The following YEATS2 variants were observed in gnomAD, a reference collection of about 807,000 sequenced individuals.
YEATS2 encodes YEATS domain containing 2.
In YEATS2, 77 loss-of-function variants were observed where a neutral mutation model predicts 163.2. That is an observed-to-expected ratio of 0.47 (90% confidence interval 0.39 to 0.57). YEATS2 has a LOEUF of 0.57. Ranked by LOEUF, YEATS2 falls within the 20% of genes least tolerant of loss-of-function variation. The pLI is 0.00. For missense variants in YEATS2, 1,549 were observed against 1,729.8 expected (o/e 0.90, Z 1.85); for synonymous variants, 631 against 645.1 (o/e 0.98, Z 0.33).
intron 19 of YEATS2, among the ~76,000 whole-genome samples, chr3:183,782,670 T>C (rs1029581927): frequency 1.8e-4 from 27 of 152,140 alleles, no homozygotes; most frequent in African/African-American, 6.0e-4. Context: ...GTGATCTGCC[T>C]GCCTCGGCTT....
At chr3:183,747,333 A>G (rs1410162724) in intron 8 of YEATS2, among the ~76,000 whole-genome samples, 1 of 152,152 alleles carries the variant, frequency 6.6e-6, no homozygotes, top group Non-Finnish European at 1.5e-5. Flanking sequence ...TTACTTACAC[A>G]TTCCTTTATT....
At chr3:183,758,634 A>G (rs1272127699) in intron 12 of YEATS2, among the ~76,000 whole-genome samples, 1 of 152,178 alleles carries the variant, frequency 6.6e-6, no homozygotes, top group African/African-American at 2.4e-5. Context: ...ATTCTTCTGC[A>G]TGTCCTTACC....
At chr3:183,787,900 G>A (rs1466506200) in intron 20 of YEATS2, among the ~76,000 whole-genome samples, 1 of 152,042 alleles carries the variant, frequency 6.6e-6, no homozygotes, top group African/African-American at 2.4e-5. Flanking sequence ...CTACTCAGGA[G>A]GCTGAGGCAG....
chr3:183,777,472 A>G (rs1212281633), intron 18 of YEATS2, 70 bp from the exon 19 acceptor site: 1 of 1,510,614 alleles, frequency 6.6e-7, no homozygotes, highest in Non-Finnish European at 9.0e-7. Flanking sequence ...CATGTGATTT[A>G]AGGGATCAGA....
intron 21 of YEATS2, among the ~76,000 whole-genome samples, chr3:183,793,927 A>G (rs1465860763): frequency 6.6e-6 from 1 of 152,130 alleles, no homozygotes; most frequent in African/African-American, 2.4e-5. Context: ...TTTTCATAAC[A>G]GGATCAAACT....
intron 16 of YEATS2, among the ~76,000 whole-genome samples, chr3:183,773,120 A>G (rs1265283637): frequency 1.3e-5 from 2 of 152,198 alleles, no homozygotes; most frequent in Non-Finnish European, 2.9e-5. Flanking sequence ...TGCCAAATAT[A>G]TGGATATTTT....
At chr3:183,714,397 C>G (rs1486124990) in intron 1 of YEATS2, among the ~76,000 whole-genome samples, 1 of 151,342 alleles carries the variant, frequency 6.6e-6, no homozygotes, top group African/African-American at 2.4e-5. Context: ...GGGTTTTCAC[C>G]GTGTTATCCA....
Position 183,809,085 on chromosome 3 carries a change from C to G in YEATS2, c.4087-12C>G. 1 of 1,614,052 alleles carries G rather than the reference C, an allele frequency of 6.2e-7. No individual in the cohort carries two copies. The highest frequency in any genetic ancestry group is 1.7e-5 in the Admixed American group (1 of 60,020). On this transcript the variant is annotated splice_polypyrimidine_tract_variant and intron_variant, in intron 29 of 30. Transcript: ENST00000305135. Reference sequence around the variant, plus strand: ...ATGGCCATTTGAAGAATAACAGCATCTTCCATTGTAGGCTACAGAACAGCT... The same window carrying G: ...ATGGCCATTTGAAGAATAACAGCATGTTCCATTGTAGGCTACAGAACAGCT...
chr3:183,739,237 A>C (rs1005001492), intron 8 of YEATS2, among the ~76,000 whole-genome samples: 81 of 151,818 alleles, frequency 5.3e-4, no homozygotes, highest in Admixed American at 5.9e-4. Context: ...AAATCTCCTT[A>C]AGCTGATAAG....
chr3:183,772,360 C>T lies in YEATS2; in HGVS notation c.2003C>T (p.Ala668Val), dbSNP rs774424924. The change falls in exon 16 of 31, where the codon GCG becomes GTG. Residue 668 changes from alanine to valine, a missense_variant. Ala to Val is a moderately conservative substitution (Grantham distance 64, BLOSUM62 0). Transcript: ENST00000305135. ...CCTTCAACAGTGAAGCAGGCTGTGG[C>T]GATCAGTGGTGGCCAGATCCTGGTA... is the stretch of plus-strand genomic sequence containing the variant. Reference protein sequence around the residue: ...ALPSTVKQAVAISGGQILVAK... With the variant: ...ALPSTVKQAVVISGGQILVAK... 1.2e-6 allele frequency: 2 copies of T among 1,614,152 alleles called. No individual in the cohort carries two copies. The highest frequency in any genetic ancestry group is 1.7e-6 in the Non-Finnish European group (2 of 1,180,026).
In YEATS2 at chr3:183,803,974, T is replaced by C; in HGVS notation, c.3583-13T>C. 6.7e-7 allele frequency: 1 copy of C among 1,502,918 alleles called. No homozygotes were observed. Among genetic ancestry groups the C allele is most frequent in the Non-Finnish European group, 9.1e-7 (1 of 1,097,380 alleles). The allele number at this position is 1,502,918 out of a possible 1,614,324, so 93.1% of individuals were successfully genotyped here. On this transcript the variant is annotated splice_polypyrimidine_tract_variant and intron_variant, in intron 26 of 30. Coordinates refer to ENST00000305135, the MANE Select transcript of YEATS2 (RefSeq NM_018023.5). ...ATTTGATTATGGTTCCAAAAGAAAA[T>C]TTTTTTTTTAAGTGGCAAAGAGCAA...
chr3:183,793,362 C>T (rs1724838800), intron 21 of YEATS2: 2 of 1,093,414 alleles, frequency 1.8e-6, no homozygotes, highest in Non-Finnish European at 1.1e-6. Flanking sequence ...TGATTTCTAC[C>T]TCCCTGTTAA....
chr3:183,722,271 AC>A, intron 5 of YEATS2, 135 bp downstream of exon 5: 1 of 797,290 alleles, frequency 1.3e-6, no homozygotes, highest in Non-Finnish European at 1.7e-6. Context: ...TAATGGGGAA[AC>A]CAAATCTTTT....
intron 16 of YEATS2, among the ~76,000 whole-genome samples, chr3:183,772,802 C>G (rs1290783582): frequency 6.6e-6 from 1 of 151,744 alleles, no homozygotes; most frequent in African/African-American, 2.4e-5. Flanking sequence ...CACACACGAA[C>G]AAATCATTTC....
chr3:183,760,862 A>G (rs961226966), intron 13 of YEATS2, among the ~76,000 whole-genome samples: 4 of 152,154 alleles, frequency 2.6e-5, no homozygotes, highest in African/African-American at 9.7e-5. Flanking sequence ...CTCCAGGGAT[A>G]TAAAATTAAA....
chr3:183,727,055 C>T (rs1193482191), intron 6 of YEATS2, among the ~76,000 whole-genome samples: 2 of 152,096 alleles, frequency 1.3e-5, no homozygotes, highest in Non-Finnish European at 2.9e-5. Context: ...CCTGCCTTGG[C>T]CTCCAAAAGT....
chr3:183,716,053 C>T lies in YEATS2; in HGVS notation c.100+791C>T, dbSNP rs564040283. The stretch of plus-strand genomic sequence containing the variant: ...CGGCTCACTGCAAGCTCTGCTTCCC[C>T]GGTTCGCGCCATTCTCCTGCGTCAG... On this transcript the variant is annotated intron_variant, in intron 2 of 30. Transcript: ENST00000305135. Among the ~76,000 whole-genome samples, 46 of 152,070 alleles carry T rather than the reference C, an allele frequency of 3.0e-4. No individual in the cohort carries two copies. In the East Asian group the frequency reaches 5.0e-3, roughly 17 times the overall value.
In YEATS2 at chr3:183,807,517, C is replaced by T. The variant is rs936821725; in HGVS notation, c.4011+425C>T. The stretch of plus-strand genomic sequence containing the variant: ...ATGTGTTGATAGCTCCTGAGTGCCC[C>T]GCCTGTGGTGCAGATGGCGTGCACC... On this transcript the variant is annotated intron_variant, in intron 28 of 30. Transcript: ENST00000305135. 4.2e-5 allele frequency: 10 copies of T among 235,706 alleles called. No individual in the cohort carries two copies. In the East Asian group the frequency reaches 4.5e-4, roughly 11 times the overall value. The allele number at this position is 235,706 out of a possible 1,614,324, so 14.6% of individuals were successfully genotyped here. A position where few individuals can be genotyped will look rare whatever the true frequency, so the allele number is the denominator to read the frequency against.
chr3:183,786,146 T>A lies in YEATS2; in HGVS notation c.2758T>A (p.Ser920Thr). The A allele has an allele frequency of 1.2e-6, 2 of 1,613,724 alleles. No individual in the cohort carries two copies. Among genetic ancestry groups the A allele is most frequent in the Non-Finnish European group, 1.7e-6 (2 of 1,179,696 alleles). Residue 920 changes from serine to threonine, a missense_variant, in exon 20 of 31, where the codon TCT (serine) becomes ACT (threonine). Ser to Thr is a moderately conservative substitution (Grantham distance 58). Transcript: ENST00000305135. ...FTQAAHGGQA[S>T]LMKISDSTLK... Reference sequence around the variant, plus strand: ...GCAGGCAGCCCATGGAGGACAGGCATCTCTAATGAAAATATCCGATAGCAC... The same window carrying A: ...GCAGGCAGCCCATGGAGGACAGGCAACTCTAATGAAAATATCCGATAGCAC...
Sources: gnomAD v4.1 joint callset for allele counts (sites outside exome capture counted in the v4.1 genomes callset) on GRCh38, gnomAD v4.1.1 for gene constraint, MANE v1.5 for transcripts, NCBI Gene and HGNC (gene_info 2026-07-23, HGNC 2026-07-21) for gene names.